MCM8: variants seen among roughly 807,000 people sequenced by gnomAD.
MCM8 encodes minichromosome maintenance 8 homologous recombination repair factor, also known as DNA helicase MCM8.
In MCM8, 85 loss-of-function variants were observed where a neutral mutation model predicts 98.9. That is an observed-to-expected ratio of 0.86 (90% confidence interval 0.72 to 1.03). The LOEUF is 1.03. MCM8 is among the 50% of genes least tolerant of loss of function. The pLI, the probability that MCM8 is intolerant of heterozygous loss-of-function variation, is 0.00. For synonymous variants in MCM8, 352 were observed against 338.6 expected (o/e 1.04, Z -0.44); for missense variants, 951 against 997.8 (o/e 0.95, Z 0.63).
At chr20:5,969,160 A>G (rs906815839) in intron 10 of MCM8, among the ~76,000 whole-genome samples, 2 of 152,242 alleles carry the variant, frequency 1.3e-5, no homozygotes, top group Non-Finnish European at 2.9e-5. Flanking sequence ...AACTACTGCA[A>G]CATACTGTTA....
intron 17 of MCM8, among the ~76,000 whole-genome samples, chr20:5,992,939 C>G (rs1331995720): frequency 6.6e-6 from 1 of 152,136 alleles, no homozygotes; most frequent in Non-Finnish European, 1.5e-5. Context: ...CAGACTTTAG[C>G]TAAAATTCAC....
rs576961912 is a variant in MCM8 at position 5,972,138 on chromosome 20, T to C, written c.1254+101T>C. 2.5e-5 allele frequency: 20 copies of C among 793,960 alleles called. 1 individual carries two copies. The South Asian group carries it at 3.4e-4, about 13-fold the overall frequency. The allele number at this position is 793,960 out of a possible 1,614,324, so 49.2% of individuals were successfully genotyped here. A position where few individuals can be genotyped will look rare whatever the true frequency, so the allele number is the denominator to read the frequency against. ...GTAGCAAATTTCTATTGGCCAGTTA[T>C]TTATATCTTAATATGCTTTGTAAAT... On this transcript the variant is annotated intron_variant, in intron 11 of 18. Transcript: ENST00000610722.
chr20:5,981,222 G>T (rs533466688), intron 13 of MCM8, among the ~76,000 whole-genome samples: 2 of 152,270 alleles, frequency 1.3e-5, no homozygotes, highest in South Asian at 4.1e-4. Flanking sequence ...TAGCAATCTT[G>T]ATAATTTCCA....
Position 5,973,291 on chromosome 20 carries a change from C to A in MCM8, c.1395+95C>A, listed in dbSNP as rs1205618777. On this transcript the variant is annotated intron_variant, in intron 12 of 18. Coordinates refer to ENST00000610722, the MANE Select transcript of MCM8 (RefSeq NM_032485.6). ...TCTCAAAGCATGTAGTGTGTGTGTT[C>A]CAGAGGACATGGTTAGGTGGCGTAA... The A allele has an allele frequency of 2.7e-6, 4 of 1,484,476 alleles. No homozygotes were observed. In the African/African-American group the frequency reaches 4.2e-5, roughly 15 times the overall value. The allele number at this position is 1,484,476 out of a possible 1,614,324, so 92.0% of individuals were successfully genotyped here.
At chr20:5,990,783 AC>A (rs570204485) in intron 17 of MCM8, among the ~76,000 whole-genome samples, 21 of 152,322 alleles carry the variant, frequency 1.4e-4, no homozygotes, top group Admixed American at 5.9e-4. Context: ...TATAAAAAAA[AC>A]AAAGACCAAA....
At chr20:5,972,755 A>C in intron 11 of MCM8, 1 of 1,334,554 alleles carries the variant, frequency 7.5e-7, no homozygotes, top group Non-Finnish European at 9.8e-7. Flanking sequence ...AAGTGACTAG[A>C]CACTGCCAGT....
intron 11 of MCM8, among the ~76,000 whole-genome samples, 179 bp downstream of exon 11, chr20:5,972,216 A>G (rs1382849401): frequency 6.7e-6 from 1 of 149,782 alleles, no homozygotes; most frequent in Non-Finnish European, 1.5e-5. Context: ...AATTTTTTTA[A>G]TTTTTTGAGA....
chr20:5,956,315 A>G (rs578061781), intron 5 of MCM8, among the ~76,000 whole-genome samples: 3 of 152,170 alleles, frequency 2.0e-5, no homozygotes, highest in Admixed American at 6.5e-5. Context: ...TTGTCTGTAC[A>G]TCTTTATGGT....
chr20:5,976,074 G>A (rs1171427927), intron 12 of MCM8, among the ~76,000 whole-genome samples: 1 of 152,124 alleles, frequency 6.6e-6, no homozygotes, highest in Non-Finnish European at 1.5e-5. Flanking sequence ...CCAACACTTT[G>A]GCAGGCCAAG....
intron 7 of MCM8, 146 bp from the exon 8 acceptor site, chr20:5,963,128 C>T: frequency 1.6e-6 from 1 of 632,014 alleles, no homozygotes; most frequent in South Asian, 1.9e-5. Context: ...AATAGAAAGT[C>T]ATTAATCTCT....
chr20:5,969,811 G>T (rs1005320629), intron 10 of MCM8, among the ~76,000 whole-genome samples: 1 of 152,138 alleles, frequency 6.6e-6, no homozygotes, highest in Non-Finnish European at 1.5e-5. Flanking sequence ...CTAACTTAGC[G>T]TTGCTGGGGT....
chr20:5,997,168 C>CT lies in MCM8; in HGVS notation c.*2786dup, dbSNP rs907521363. 2.0e-4 allele frequency: 30 copies of CT among 148,936 alleles called. No individual in the cohort carries two copies. Among genetic ancestry groups the CT allele is most frequent in the Non-Finnish European group, 3.6e-4 (25 of 70,048 alleles). The allele number at this position is 148,936 out of a possible 1,614,324, so 9.2% of individuals were successfully genotyped here. A position where few individuals can be genotyped will look rare whatever the true frequency, so the allele number is the denominator to read the frequency against. On this transcript the variant is annotated 3_prime_UTR_variant, in exon 19 of 19. Transcript: ENST00000610722. Reference sequence around the variant, plus strand: ...AGAAAACATTACATCATGAAAGTTTCTTTTTTTTTCTTTTTTCTTTTTTTT... The same window carrying CT: ...AGAAAACATTACATCATGAAAGTTTCTTTTTTTTTTCTTTTTTCTTTTTTTT...
chr20:5,963,525 CTTTTTTT>C (rs34718923), intron 8 of MCM8, among the ~76,000 whole-genome samples, 166 bp downstream of exon 8: 1 of 110,470 alleles, frequency 9.1e-6, no homozygotes, highest in African/African-American at 4.1e-5. Context: ...TAAAATAATT[CTTTTTTT>C]TTTTTTTTTT....
At chr20:5,987,400 T>TA in intron 17 of MCM8, 42 bp downstream of exon 17, 1 of 1,518,498 alleles carries the variant, frequency 6.6e-7, no homozygotes, top group Non-Finnish European at 9.0e-7. Context: ...AAATACCAGT[T>TA]ATCTTCCCAT....
intron 8 of MCM8, among the ~76,000 whole-genome samples, 166 bp downstream of exon 8, chr20:5,963,525 CTTT>C (rs34718923): frequency 1.8e-5 from 2 of 110,468 alleles, no homozygotes. Context: ...TAAAATAATT[CTTT>C]TTTTTTTTTT....
At chr20:5,977,832 C>T in intron 12 of MCM8, 44 bp from the exon 13 acceptor site, 1 of 1,604,792 alleles carries the variant, frequency 6.2e-7, no homozygotes. Context: ...GCTATTACTT[C>T]CCTTTTACTT....
chr20:5,989,347 C>T (rs2089799156), intron 17 of MCM8, among the ~76,000 whole-genome samples: 1 of 152,022 alleles, frequency 6.6e-6, no homozygotes, highest in Non-Finnish European at 1.5e-5. Context: ...AAGTGCTGGC[C>T]TTAAGTGATC....
intron 3 of MCM8, among the ~76,000 whole-genome samples, chr20:5,952,783 AAG>A (rs2088867995): frequency 1.3e-5 from 2 of 152,238 alleles, no homozygotes; most frequent in South Asian, 4.1e-4. Context: ...GGAAGACTGA[AAG>A]AGCAGAAAGG....
chr20:5,958,496 T>A (rs200838570), intron 6 of MCM8, 32 bp from the exon 7 acceptor site: 1 of 1,561,274 alleles, frequency 6.4e-7, no homozygotes, highest in Non-Finnish European at 8.8e-7. Context: ...AAACATCAAT[T>A]TTCTGTTCAT....
Sources: gnomAD v4.1 joint callset for allele counts (sites outside exome capture counted in the v4.1 genomes callset) on GRCh38, gnomAD v4.1.1 for gene constraint, MANE v1.5 for transcripts, NCBI Gene and HGNC (gene_info 2026-07-23, HGNC 2026-07-21) for gene names.